CD83: variants seen among roughly 807,000 people sequenced by gnomAD.
CD83 encodes the protein CD83 molecule, also known as CD83 antigen.
Under a neutral mutation model 24.6 loss-of-function variants are expected in CD83, and 22 were observed. The observed-to-expected ratio is 0.90, with a 90% confidence interval of 0.64 to 1.28. The LOEUF is 1.28. Among genes scored for constraint, CD83 ranks in the 50% most tolerant of loss-of-function variants. The probability of loss-of-function intolerance (pLI) is 0.00; values close to 1 mark genes in which losing one functional copy is unlikely to be tolerated. For synonymous variants in CD83, 101 were observed against 103.5 expected, an observed-to-expected ratio of 0.98 and a Z score of 0.14; for missense variants, 253 against 252.8, an observed-to-expected ratio of 1.00 and a Z score of -0.01.
intron 2 of CD83, among the ~76,000 whole-genome samples, chr6:14,122,449 A>G (rs1044920736): frequency 6.6e-6 from 1 of 152,206 alleles, no homozygotes; most frequent in Non-Finnish European, 1.5e-5. Context: ...GTTGGGGCAG[A>G]TGTAATCTGT....
chr6:14,118,090 T>A, intron 2 of CD83, 25 bp downstream of exon 2: 1 of 1,510,674 alleles, frequency 6.6e-7, no homozygotes, highest in Non-Finnish European at 9.0e-7. Flanking sequence ...ACCCACGGGC[T>A]GGGGTTTGGT....
Position 14,135,859 on chromosome 6 carries a change from A to G in CD83, c.*623A>G, listed in dbSNP as rs1758037645. The G allele has an allele frequency of 6.6e-6, 1 of 152,278 alleles. No individual in the cohort carries two copies. Among genetic ancestry groups the G allele is most frequent in the Admixed American group, 6.5e-5 (1 of 15,290 alleles). The allele number at this position is 152,278 out of a possible 1,614,324, so 9.4% of individuals were successfully genotyped here. A position where few individuals can be genotyped will look rare whatever the true frequency, so the allele number is the denominator to read the frequency against. The stretch of plus-strand genomic sequence containing the variant: ...GGAAAGACATCCATAAAGAAGCAAT[A>G]AAGAAGAGTGCCACATTTATTTTTA... On this transcript the variant is annotated 3_prime_UTR_variant, in exon 5 of 5. Transcript: ENST00000379153.
At chr6:14,126,961 A>G (rs1180304943) in intron 2 of CD83, among the ~76,000 whole-genome samples, 1 of 151,792 alleles carries the variant, frequency 6.6e-6, no homozygotes, top group Non-Finnish European at 1.5e-5. Context: ...GTAGGTACCT[A>G]TTGCACATTC....
upstream of CD83, among the ~76,000 whole-genome samples, chr6:14,117,470 G>A (rs1002398264): frequency 3.3e-5 from 5 of 151,816 alleles, no homozygotes; most frequent in African/African-American, 1.2e-4. The surrounding 1 kb of genome is among the most constrained non-coding windows in gnomAD (Gnocchi z 4.6). Context: ...AGCCCCCAGC[G>A]CTGGGCGTCA....
At chr6:14,119,705 A>C (rs1315785576) in intron 2 of CD83, among the ~76,000 whole-genome samples, 1 of 152,360 alleles carries the variant, frequency 6.6e-6, no homozygotes, top group East Asian at 1.9e-4. Flanking sequence ...CCCTGGGCTA[A>C]CCAGGCAGGG....
At chr6:14,124,256 A>AT (rs1759736197) in intron 2 of CD83, among the ~76,000 whole-genome samples, 1 of 152,176 alleles carries the variant, frequency 6.6e-6, no homozygotes, top group Non-Finnish European at 1.5e-5. Flanking sequence ...CATATCCCAA[A>AT]TTGGGACAAT....
Position 14,135,224 on chromosome 6 carries a change from A to C in CD83, c.606A>C (p.Thr202=). The C allele has an allele frequency of 6.2e-7, 1 of 1,614,182 alleles. No individual in the cohort carries two copies. Among genetic ancestry groups the C allele is most frequent in the African/African-American group, 1.3e-5 (1 of 75,068 alleles). Residue 202 remains threonine, a synonymous_variant, in exon 5 of 5, where the codon ACA becomes ACC. Coordinates refer to ENST00000379153, the MANE Select transcript of CD83 (RefSeq NM_004233.4). ...KHLGLVTPHK[T]ELV ...TAGGGCTAGTGACTCCTCACAAGAC[A>C]GAACTGGTATGAGCAGGATTTCTGC...
At chr6:14,134,224 G>T (rs1757990148) in intron 4 of CD83, among the ~76,000 whole-genome samples, 1 of 152,188 alleles carries the variant, frequency 6.6e-6, no homozygotes, top group East Asian at 1.9e-4. Context: ...TCTATTTTTG[G>T]TATTTCTGCC....
chr6:14,133,308 G>A (rs1253602551), intron 3 of CD83, among the ~76,000 whole-genome samples: 18 of 152,370 alleles, frequency 1.2e-4, no homozygotes, highest in Admixed American at 5.2e-4. Context: ...CAGACAGGCC[G>A]CAGGATAAGC....
At chr6:14,117,359 T>G (rs912420479), upstream of CD83, 2 of 152,146 alleles carry the variant, frequency 1.3e-5, no homozygotes, top group African/African-American at 4.8e-5. This position sits in a 1 kb window ranked among gnomAD's most constrained non-coding sequence, Gnocchi z 4.6. Flanking sequence ...CGGAATCTGG[T>G]TTGGCCTCCG....
At chr6:14,121,067 C>T (rs1759658715) in intron 2 of CD83, among the ~76,000 whole-genome samples, 1 of 152,244 alleles carries the variant, frequency 6.6e-6, no homozygotes, top group South Asian at 2.1e-4. Context: ...AAAGGGTCCT[C>T]TTCTCATCCC....
intron 2 of CD83, among the ~76,000 whole-genome samples, chr6:14,128,097 G>T (rs1759862802): frequency 6.6e-6 from 1 of 152,194 alleles, no homozygotes; most frequent in Non-Finnish European, 1.5e-5. Context: ...TCTTGCCAGT[G>T]GTTGATTTTG....
At chr6:14,135,038 G>A (rs555028392) in intron 4 of CD83, 70 bp from the exon 5 acceptor site, 1 of 1,524,114 alleles carries the variant, frequency 6.6e-7, no homozygotes, top group African/African-American at 1.4e-5. Context: ...AGTGAATAGA[G>A]TTTAAAAGGA....
At chr6:14,128,028 A>G (rs941309864) in intron 2 of CD83, among the ~76,000 whole-genome samples, 23 of 152,228 alleles carry the variant, frequency 1.5e-4, no homozygotes, top group African/African-American at 5.5e-4. Context: ...CTATTTCCTA[A>G]AATGGTTTTG....
Position 14,117,900 on chromosome 6 carries a change from A to T in CD83, c.38-50A>T. ...CTGTCGCCCCCCGCCCCTCCACGAC[A>T]CCCCCTCCCGTCGGTCGCTTGCTCA... On this transcript the variant is annotated intron_variant, in intron 1 of 4. Coordinates refer to ENST00000379153, the MANE Select transcript of CD83 (RefSeq NM_004233.4). This position sits in a 1 kb window ranked among gnomAD's most constrained non-coding sequence, Gnocchi z 4.6. The T allele has an allele frequency of 6.3e-7, 1 of 1,577,684 alleles. No homozygotes were observed. The highest frequency in any genetic ancestry group is 8.6e-7 in the Non-Finnish European group (1 of 1,166,112).
intron 2 of CD83, among the ~76,000 whole-genome samples, chr6:14,128,524 T>C (rs1357904373): frequency 3.3e-5 from 5 of 152,198 alleles, no homozygotes; most frequent in African/African-American, 1.2e-4. Flanking sequence ...GGAATTCTTT[T>C]TGCTGTAGTT....
At chr6:14,128,310 C>T (rs960464780) in intron 2 of CD83, among the ~76,000 whole-genome samples, 9 of 152,142 alleles carry the variant, frequency 5.9e-5, no homozygotes, top group African/African-American at 1.9e-4. Context: ...GCATACGGTC[C>T]CTTGATCCTG....
At chr6:14,118,395 C>T (rs1205250644) in intron 2 of CD83, among the ~76,000 whole-genome samples, 1 of 152,122 alleles carries the variant, frequency 6.6e-6, no homozygotes, top group African/African-American at 2.4e-5. Flanking sequence ...TGGTTGTGGG[C>T]CAGCAGGTCA....
At chr6:14,126,379 C>T (rs527668907) in intron 2 of CD83, among the ~76,000 whole-genome samples, 72 of 152,264 alleles carry the variant, frequency 4.7e-4, no homozygotes, top group African/African-American at 1.6e-3. Context: ...AGTATCTTCA[C>T]GCCAGCTCAG....
Sources: allele counts gnomAD v4.1 joint callset (sites outside exome capture counted in the v4.1 genomes callset), GRCh38; gene constraint gnomAD v4.1.1; non-coding constraint Gnocchi (gnomAD v3.1); transcripts MANE v1.5; gene names NCBI Gene and HGNC (gene_info 2026-07-23, HGNC 2026-07-21).